Variants in FERMT2 observed in about 807,000 individuals in gnomAD.
FERMT2 encodes FERM domain containing kindlin 2, also known as fermitin family homolog 2.
In FERMT2, 15 loss-of-function variants were observed where a neutral mutation model predicts 82.7. The ratio of observed to expected loss-of-function variants is 0.18; its 90% CI spans 0.12 to 0.28. The LOEUF is 0.28. Among genes scored for constraint, FERMT2 ranks in the 10% least tolerant of loss-of-function variants. FERMT2 has a pLI of 1.00. For missense variants in FERMT2, 645 were observed against 809.4 expected (o/e 0.80, Z 2.46); for synonymous variants, 274 against 271.5 (o/e 1.01, Z -0.09).
In FERMT2 at chr14:52,860,414, T is replaced by A. The variant is rs768281043; in HGVS notation, c.1654A>T (p.Ile552Phe). The A allele has an allele frequency of 1.2e-5, 19 of 1,613,802 alleles. No individual in the cohort carries two copies. Among genetic ancestry groups the A allele is most frequent in the Non-Finnish European group, 1.6e-5 (19 of 1,179,758 alleles). The stretch of plus-strand genomic sequence containing the variant: ...TGAATAAATCTCATCTTGGCTTCAA[T>A]TAGACTCATCTGAGCTACATTCTGA... ...AHQNVAQMSL[I>F]EAKMRFIQAW... Residue 552 changes from isoleucine to phenylalanine, a missense_variant, in exon 13 of 15, where the codon ATT becomes TTT. Physicochemically the swap from Ile to Phe is conservative, Grantham distance 21. Coordinates refer to ENST00000341590, the MANE Select transcript of FERMT2 (RefSeq NM_006832.3).
intron 8 of FERMT2, 129 bp downstream of exon 8, chr14:52,875,094 A>T: frequency 1.2e-6 from 1 of 807,032 alleles, no homozygotes; most frequent in Non-Finnish European, 1.9e-6. Context: ...AAAAATTAAC[A>T]TCTGATTTCT....
chr14:52,939,390 A>G (rs1399076265), intron 2 of FERMT2, among the ~76,000 whole-genome samples: 3 of 150,848 alleles, frequency 2.0e-5, no homozygotes, highest in Non-Finnish European at 4.4e-5. Context: ...AAAAAAAAAA[A>G]CAAAGAACTA....
chr14:52,883,079 G>T (rs1435356330), intron 4 of FERMT2, among the ~76,000 whole-genome samples: 1 of 152,094 alleles, frequency 6.6e-6, no homozygotes, highest in African/African-American at 2.4e-5. Context: ...ACGCTATTCG[G>T]GAGGCGAAGG....
chr14:52,897,369 G>A (rs1437785625), intron 3 of FERMT2, among the ~76,000 whole-genome samples: 1 of 152,006 alleles, frequency 6.6e-6, no homozygotes, highest in Non-Finnish European at 1.5e-5. Context: ...TAATTTTAAG[G>A]CAAAGATGGA....
At chr14:52,902,358 A>C (rs1887702360) in intron 3 of FERMT2, among the ~76,000 whole-genome samples, 1 of 151,698 alleles carries the variant, frequency 6.6e-6, no homozygotes, top group South Asian at 2.1e-4. Flanking sequence ...GCACCATTGC[A>C]CTTCAGCTTG....
At chr14:52,886,658 G>A (rs1244768712) in intron 4 of FERMT2, among the ~76,000 whole-genome samples, 1 of 152,102 alleles carries the variant, frequency 6.6e-6, no homozygotes. Context: ...TCAAATTGCA[G>A]AGCATAAAAT....
rs138766891 is a variant in FERMT2 at position 52,881,417 on chromosome 14, A to G, written c.579T>C (p.Tyr193=). The part of the protein sequence containing the change: ...GLYSKTMTPT[Y]DAHDGSPLSP... ...ACAAGGGGCTTCCATCATGAGCATCATAAGTGGGGGTCATTGTTTTACTAT... is the reference window on the plus strand; with the variant it reads ...ACAAGGGGCTTCCATCATGAGCATCGTAAGTGGGGGTCATTGTTTTACTAT... The change falls in exon 5 of 15, where the codon TAT becomes TAC. Residue 193 remains tyrosine (Y), a synonymous_variant. Coordinates refer to ENST00000341590, the MANE Select transcript of FERMT2 (RefSeq NM_006832.3). 1.3e-4 allele frequency: 211 copies of G among 1,613,932 alleles called. No homozygotes were observed. Among genetic ancestry groups the G allele is most frequent in the Non-Finnish European group, 1.7e-4 (203 of 1,179,988 alleles).
In FERMT2 at chr14:52,889,701, G is replaced by A. The variant is rs113575650; in HGVS notation, c.526+3592C>T. Among the ~76,000 whole-genome samples, 1,191 of 152,144 alleles carry A rather than the reference G, an allele frequency of 7.8e-3. 23 individuals carry two copies. Among genetic ancestry groups the A allele is most frequent in the African/African-American group, 0.027 (1,138 of 41,500 alleles). On this transcript the variant is annotated intron_variant, in intron 4 of 14. Coordinates refer to ENST00000341590, the MANE Select transcript of FERMT2 (RefSeq NM_006832.3). ...AGCCTTCTACACACCTAGGCTATAC[G>A]GATGGTATAGTCTATTGCTCCCAGG...
chr14:52,902,884 A>AAAAAAAC (rs1887747659), intron 3 of FERMT2, among the ~76,000 whole-genome samples: 3 of 141,098 alleles, frequency 2.1e-5, no homozygotes, highest in Admixed American at 7.4e-5. Context: ...AAAAAAAAAA[A>AAAAAAAC]AAAAAAACCC....
At chr14:52,945,038 C>T (rs1476038220) in intron 2 of FERMT2, among the ~76,000 whole-genome samples, 1 of 151,964 alleles carries the variant, frequency 6.6e-6, no homozygotes, top group Non-Finnish European at 1.5e-5. Context: ...GTAGCTGGGA[C>T]TACAGGTGCG....
At chr14:52,885,405 TCTAGCAGCA>T (rs929833446) in intron 4 of FERMT2, among the ~76,000 whole-genome samples, 16 of 151,294 alleles carry the variant, frequency 1.1e-4, no homozygotes, top group African/African-American at 3.9e-4. Flanking sequence ...ATTTCCCAAT[TCTAGCAGCA>T]CTGCTGGGTC....
intron 3 of FERMT2, among the ~76,000 whole-genome samples, chr14:52,900,163 T>C (rs1011461934): frequency 2.0e-5 from 3 of 152,058 alleles, no homozygotes; most frequent in Non-Finnish European, 4.4e-5. Context: ...TGGAATGAAG[T>C]AGTGTTAGTG....
At chr14:52,931,488 G>C (rs1310843841) in intron 2 of FERMT2, among the ~76,000 whole-genome samples, 1 of 152,136 alleles carries the variant, frequency 6.6e-6, no homozygotes, top group Non-Finnish European at 1.5e-5. Flanking sequence ...CAACATTCTA[G>C]AGAGCAGGGC....
chr14:52,903,626 A>AT (rs1887806385), intron 3 of FERMT2, among the ~76,000 whole-genome samples: 3 of 152,214 alleles, frequency 2.0e-5, no homozygotes, highest in Admixed American at 2.0e-4. Context: ...AAGATAATTT[A>AT]ACAATGACTT....
chr14:52,881,755 C>T (rs1886312115), intron 4 of FERMT2: 5 of 1,334,252 alleles, frequency 3.7e-6, no homozygotes, highest in Middle Eastern at 4.0e-4. Context: ...CTGAAGCAGA[C>T]AGACCAACAC....
chr14:52,933,126 G>A (rs1392587965), intron 2 of FERMT2, among the ~76,000 whole-genome samples: 1 of 152,046 alleles, frequency 6.6e-6, no homozygotes, highest in Non-Finnish European at 1.5e-5. Flanking sequence ...CAAGATCACA[G>A]AACAGTCATT....
rs989925366 is a variant in FERMT2, at chr14:52,857,859, T to G, written c.*518A>C. 3 of 153,830 alleles carry G rather than the reference T, an allele frequency of 2.0e-5. No homozygotes were observed. The highest frequency in any genetic ancestry group is 7.2e-5 in the African/African-American group (3 of 41,462). The allele number at this position is 153,830 out of a possible 1,614,324, so 9.5% of individuals were successfully genotyped here. On this transcript the variant is annotated 3_prime_UTR_variant, in exon 15 of 15. Transcript: ENST00000341590. ...CAAGCACGACGGACTAATAGCATTT[T>G]CCTTCAAGGTCAAACACAATGACAT...
At chr14:52,862,648 T>TG (rs1885022553) in intron 12 of FERMT2, 1 of 152,270 alleles carries the variant, frequency 6.6e-6, no homozygotes, top group Admixed American at 6.5e-5. Flanking sequence ...CACTCCAGCC[T>TG]GGGAGACAGA....
chr14:52,940,723 T>G (rs1315882039), intron 2 of FERMT2, among the ~76,000 whole-genome samples: 2 of 152,198 alleles, frequency 1.3e-5, no homozygotes, highest in Non-Finnish European at 2.9e-5. Flanking sequence ...AAAAACTGAC[T>G]TAGCCAGTAG....
Sources: gnomAD v4.1 joint callset for allele counts (sites outside exome capture counted in the v4.1 genomes callset) on GRCh38, gnomAD v4.1.1 for gene constraint, MANE v1.5 for transcripts, NCBI Gene and HGNC (gene_info 2026-07-23, HGNC 2026-07-21) for gene names.